Variants in C12orf42 observed in about 807,000 individuals in gnomAD.
C12orf42 encodes chromosome 12 open reading frame 42.
A neutral mutation model predicts 21.6 loss-of-function variants in C12orf42; 25 were observed. The ratio of observed to expected loss-of-function variants is 1.16; its 90% CI spans 0.84 to 1.62. The LOEUF is 1.62. C12orf42 is among the 40% of genes most tolerant of loss of function. The pLI, the probability that C12orf42 is intolerant of heterozygous loss-of-function variation, is 0.00. For missense variants in C12orf42, 483 were observed against 459.3 expected, an observed-to-expected ratio of 1.05 and a Z score of -0.47; for synonymous variants, 174 against 175.0, an observed-to-expected ratio of 0.99 and a Z score of 0.05.
At chr12:103,056,332 C>T in the C12orf42 span, among the ~76,000 whole-genome samples, 1 of 152,134 alleles carries the variant, frequency 6.6e-6, no homozygotes, top group Non-Finnish European at 1.5e-5. Flanking sequence ...GTACTCACAT[C>T]ATTTTCTCCC....
chr12:103,428,769 C>T (rs1204791126), intron 2 of C12orf42, among the ~76,000 whole-genome samples: 1 of 152,184 alleles, frequency 6.6e-6, no homozygotes, highest in African/African-American at 2.4e-5. Context: ...GCTTATCCAC[C>T]GTGATCAAGT....
chr12:103,080,715 T>C, the C12orf42 span, among the ~76,000 whole-genome samples: 4 of 152,234 alleles, frequency 2.6e-5, no homozygotes, highest in Admixed American at 2.6e-4. Flanking sequence ...TTTTAGCTTA[T>C]TCTTTTAATA....
At chr12:103,479,707 T>C (rs915656528) in intron 1 of C12orf42, among the ~76,000 whole-genome samples, 4 of 152,108 alleles carry the variant, frequency 2.6e-5, no homozygotes, top group African/African-American at 9.6e-5. Context: ...AGATTGTATA[T>C]TTCCTTTCAA....
At chr12:103,360,086 AC>A (rs1459454755) in intron 4 of C12orf42, among the ~76,000 whole-genome samples, 1 of 149,970 alleles carries the variant, frequency 6.7e-6, no homozygotes, top group Non-Finnish European at 1.5e-5. Context: ...TGCCCCTTCA[AC>A]CACTGTCTCT....
At chr12:103,433,493 A>G (rs7969700) in intron 2 of C12orf42, among the ~76,000 whole-genome samples, 125,939 of 152,130 alleles carry the variant, frequency 0.83, 52,160 homozygotes, top group Admixed American at 0.88. Context: ...CAACATCTCT[A>G]AAGTACAATT....
intron 4 of C12orf42, among the ~76,000 whole-genome samples, chr12:103,338,285 C>G (rs1217944471): frequency 6.6e-6 from 1 of 152,220 alleles, no homozygotes; most frequent in Admixed American, 6.5e-5. Flanking sequence ...TTGCTTACCT[C>G]CTCTGTACAA....
At chr12:103,486,220 A>T (rs1422702197) in intron 1 of C12orf42, among the ~76,000 whole-genome samples, 1 of 152,174 alleles carries the variant, frequency 6.6e-6, no homozygotes, top group African/African-American at 2.4e-5. Flanking sequence ...TTCTACATCT[A>T]TTGAGATAAT....
At chr12:103,191,834 T>C in the C12orf42 span, among the ~76,000 whole-genome samples, 1 of 151,828 alleles carries the variant, frequency 6.6e-6, no homozygotes, top group African/African-American at 2.4e-5. Context: ...ATAAAACTAA[T>C]TGTGACATCA....
At chr12:103,453,163 T>C (rs1272808427) in intron 2 of C12orf42, among the ~76,000 whole-genome samples, 1 of 152,110 alleles carries the variant, frequency 6.6e-6, no homozygotes, top group Non-Finnish European at 1.5e-5. Flanking sequence ...GTTAACTCCC[T>C]GTTAATGGAC....
At chr12:103,192,623 G>C in the C12orf42 span, among the ~76,000 whole-genome samples, 2 of 151,980 alleles carry the variant, frequency 1.3e-5, no homozygotes, top group Non-Finnish European at 2.9e-5. Context: ...GATAGACTTT[G>C]AGTCAAAAAC....
the C12orf42 span, among the ~76,000 whole-genome samples, chr12:103,223,185 C>T: frequency 9.9e-5 from 15 of 151,812 alleles, no homozygotes; most frequent in Non-Finnish European, 1.3e-4. Flanking sequence ...GTTGGGGTGG[C>T]GAAAATTTTT....
At chr12:103,092,729 G>A in the C12orf42 span, among the ~76,000 whole-genome samples, 1 of 152,188 alleles carries the variant, frequency 6.6e-6, no homozygotes, top group African/African-American at 2.4e-5. Context: ...TACAGCATTT[G>A]TTAAGGACTG....
At chr12:103,047,701 C>T in the C12orf42 span, among the ~76,000 whole-genome samples, 1 of 152,156 alleles carries the variant, frequency 6.6e-6, no homozygotes, top group African/African-American at 2.4e-5. Flanking sequence ...CTAGGCCAGG[C>T]CTGGCTGATC....
chr12:103,398,731 A>G (rs2047736574), intron 3 of C12orf42, among the ~76,000 whole-genome samples: 1 of 151,920 alleles, frequency 6.6e-6, no homozygotes, highest in East Asian at 1.9e-4. Context: ...TCCCCACCCC[A>G]TTTATTGAAT....
the C12orf42 span, among the ~76,000 whole-genome samples, chr12:103,201,765 T>G: frequency 6.6e-6 from 1 of 152,058 alleles, no homozygotes; most frequent in African/African-American, 2.4e-5. Flanking sequence ...CTGCACTGTA[T>G]GTTTATTAGT....
chr12:103,435,941 C>A (rs1233611513), intron 2 of C12orf42, among the ~76,000 whole-genome samples: 5 of 148,526 alleles, frequency 3.4e-5, no homozygotes, highest in Non-Finnish European at 6.0e-5. Flanking sequence ...CTCCAAGACA[C>A]ATAATTGTCA....
the C12orf42 span, among the ~76,000 whole-genome samples, chr12:103,232,539 T>C: frequency 3.3e-5 from 5 of 152,138 alleles, no homozygotes; most frequent in East Asian, 9.7e-4. Context: ...TGAAATCCCA[T>C]GTCTACTAAA....
At chr12:103,388,094 C>A (rs1053676410) in intron 3 of C12orf42, among the ~76,000 whole-genome samples, 3 of 152,212 alleles carry the variant, frequency 2.0e-5, no homozygotes, top group Non-Finnish European at 4.4e-5. Context: ...GTGTCCTCCA[C>A]TCTTAAGTGT....
the C12orf42 span, among the ~76,000 whole-genome samples, chr12:103,198,417 G>C: frequency 6.6e-6 from 1 of 152,178 alleles, no homozygotes; most frequent in Admixed American, 6.5e-5. Context: ...GCTCAGACCA[G>C]ACTGACGCCA....
Sources: allele counts gnomAD v4.1 joint callset (sites outside exome capture counted in the v4.1 genomes callset), GRCh38; gene constraint gnomAD v4.1.1; transcripts MANE v1.5; gene names NCBI Gene and HGNC (gene_info 2026-07-23, HGNC 2026-07-21).